The following CSMD1 variants were observed in gnomAD, a reference collection of about 807,000 sequenced individuals.
CSMD1 encodes CUB and sushi domain-containing protein 1.
Under a neutral mutation model 417.5 loss-of-function variants are expected in CSMD1, and 213 were observed. The observed-to-expected ratio is 0.51, with a 90% CI of 0.46 to 0.57. The LOEUF (loss-of-function observed/expected upper bound fraction) is 0.57, where lower values mean the gene tolerates loss of function less well. Ranked by LOEUF, CSMD1 falls within the 20% of genes least tolerant of loss-of-function variation. CSMD1 has a pLI of 0.00. For missense variants in CSMD1, 6,923 were observed against 4,529.7 expected (o/e 1.53, Z -15.17); for synonymous variants, 2,862 against 1,736.8 (o/e 1.65, Z -16.11).
intron 31 of CSMD1, among the ~76,000 whole-genome samples, 154 bp downstream of exon 31, chr8:3,205,350 G>T (rs1051035561): frequency 3.3e-5 from 5 of 152,110 alleles, no homozygotes; most frequent in Non-Finnish European, 5.9e-5. Context: ...ACATTGTGCA[G>T]GATATGTTTG....
At chr8:3,539,402 G>C (rs186277123) in intron 10 of CSMD1, among the ~76,000 whole-genome samples, 1 of 152,094 alleles carries the variant, frequency 6.6e-6, no homozygotes, top group Non-Finnish European at 1.5e-5. Flanking sequence ...TTTGTTTCCA[G>C]GCTAATGCCT....
At chr8:3,144,966 A>C (rs1398356826) in intron 40 of CSMD1, among the ~76,000 whole-genome samples, 1 of 152,092 alleles carries the variant, frequency 6.6e-6, no homozygotes, top group East Asian at 1.9e-4. Context: ...TACTGAGCTA[A>C]AAACACAGTT....
At chr8:4,761,289 C>A (rs943314000) in intron 1 of CSMD1, among the ~76,000 whole-genome samples, 1 of 151,896 alleles carries the variant, frequency 6.6e-6, no homozygotes, top group Non-Finnish European at 1.5e-5. Context: ...GTGTAAAATG[C>A]ACAAGGGATT....
At chr8:3,224,036 C>G (rs1210827859) in intron 27 of CSMD1, among the ~76,000 whole-genome samples, 169 bp from the exon 28 acceptor site, 1 of 152,116 alleles carries the variant, frequency 6.6e-6, no homozygotes, top group African/African-American at 2.4e-5. Context: ...TTGTAAGACC[C>G]AGGAACTCTG....
chr8:4,695,915 T>A (rs1002062587), intron 1 of CSMD1, among the ~76,000 whole-genome samples: 26 of 152,236 alleles, frequency 1.7e-4, no homozygotes, highest in African/African-American at 6.3e-4. Context: ...TTTAATAACA[T>A]TTAAAATTAC....
At chr8:3,840,413 G>A (rs777394910) in intron 5 of CSMD1, among the ~76,000 whole-genome samples, 20 of 152,044 alleles carry the variant, frequency 1.3e-4, no homozygotes, top group South Asian at 2.1e-4. Context: ...AATAGATAAC[G>A]TTGTACTTTA....
intron 7 of CSMD1, among the ~76,000 whole-genome samples, chr8:3,695,189 C>G (rs536890280): frequency 6.6e-6 from 1 of 151,818 alleles, no homozygotes; most frequent in Non-Finnish European, 1.5e-5. Context: ...CTCGAAGACA[C>G]TGTCTGAAAA....
Position 4,552,559 on chromosome 8 carries a change from T to C in CSMD1, c.302+84783A>G, listed in dbSNP as rs1279615373. ...CAGCTTTCCATTCCCTGGGAAGCAC[T>C]AGTATCTTGGGCATCCGGTTCTCCT... On this transcript the variant is annotated intron_variant, in intron 2 of 69. Transcript: ENST00000635120. 8.5e-5 allele frequency among the ~76,000 whole-genome samples: 13 copies of C among 152,236 alleles called. No homozygotes were observed. In the East Asian group the frequency reaches 1.2e-3, roughly 14 times the overall value.
chr8:4,208,173 T>C (rs966965873), intron 3 of CSMD1, among the ~76,000 whole-genome samples: 1 of 152,278 alleles, frequency 6.6e-6, no homozygotes, highest in East Asian at 1.9e-4. Context: ...GCTAAGGTGT[T>C]AGAAATGAAA....
intron 2 of CSMD1, among the ~76,000 whole-genome samples, chr8:4,455,506 G>A (rs916690763): frequency 1.3e-5 from 2 of 152,112 alleles, no homozygotes; most frequent in Non-Finnish European, 2.9e-5. Flanking sequence ...GTTTCCATTT[G>A]TCTCTGCAGC....
At chr8:4,516,501 T>C (rs1303161658) in intron 2 of CSMD1, among the ~76,000 whole-genome samples, 1 of 152,010 alleles carries the variant, frequency 6.6e-6, no homozygotes, top group Admixed American at 6.6e-5. Flanking sequence ...CCTTCTATGA[T>C]CCCCCTTCCT....
At chr8:4,291,767 G>A (rs191223937) in intron 3 of CSMD1, among the ~76,000 whole-genome samples, 4 of 152,174 alleles carry the variant, frequency 2.6e-5, no homozygotes, top group Admixed American at 2.6e-4. Flanking sequence ...AGGCTAACTA[G>A]CTACTTTTAA....
chr8:3,191,611 G>A (rs1796428180), intron 33 of CSMD1, among the ~76,000 whole-genome samples: 1 of 152,080 alleles, frequency 6.6e-6, no homozygotes, highest in African/African-American at 2.4e-5. Flanking sequence ...TGGATAGTGG[G>A]TACTGACAGG....
intron 5 of CSMD1, among the ~76,000 whole-genome samples, chr8:3,797,247 G>C (rs771809743): frequency 1.3e-5 from 2 of 151,868 alleles, no homozygotes; most frequent in Non-Finnish European, 2.9e-5. Context: ...TCAAACTCAA[G>C]TGGCTATAAA....
intron 37 of CSMD1, among the ~76,000 whole-genome samples, chr8:3,169,848 C>G (rs1287392532): frequency 6.6e-6 from 1 of 152,206 alleles, no homozygotes; most frequent in African/African-American, 2.4e-5. Context: ...CATGCCCAGA[C>G]ATGCCACAGC....
At chr8:4,882,540 G>A (rs754069270) in intron 1 of CSMD1, among the ~76,000 whole-genome samples, 1 of 151,470 alleles carries the variant, frequency 6.6e-6, no homozygotes, top group Non-Finnish European at 1.5e-5. Context: ...GTTTCTGTCC[G>A]TGGCCTCTGC....
intron 2 of CSMD1, among the ~76,000 whole-genome samples, chr8:4,483,241 A>T (rs1260946053): frequency 1.3e-5 from 2 of 152,136 alleles, no homozygotes; most frequent in Non-Finnish European, 2.9e-5. Context: ...TTCCACCATG[A>T]CTGTGAGGCC....
chr8:3,634,995 T>G (rs1426106026), intron 7 of CSMD1, among the ~76,000 whole-genome samples: 1 of 152,122 alleles, frequency 6.6e-6, no homozygotes, highest in African/African-American at 2.4e-5. Context: ...GAAATTTGTG[T>G]ATCTAAACCT....
chr8:2,955,668 G>C lies in CSMD1; in HGVS notation c.9915C>G (p.Gly3305=), dbSNP rs1394322948. 1.2e-6 allele frequency: 2 copies of C among 1,613,904 alleles called. No individual in the cohort carries two copies. The highest frequency in any genetic ancestry group is 1.7e-6 in the Non-Finnish European group (2 of 1,179,828). ...GCTCAGATCCCCCTGCGAGGAAAAA[G>C]CCTGGATGGCAGGTGTACACTAAGG... The part of the protein sequence containing the change: ...GYTLVYTCHP[G]FFLAGGSEHR... Residue 3305 remains glycine (G), a synonymous_variant, in exon 64 of 70, where the codon GGC becomes GGG. Transcript: ENST00000635120.
Sources: allele counts gnomAD v4.1 joint callset (sites outside exome capture counted in the v4.1 genomes callset), GRCh38; gene constraint gnomAD v4.1.1; transcripts MANE v1.5; gene names NCBI Gene and HGNC (gene_info 2026-07-23, HGNC 2026-07-21).